Variants in ADCY8 observed in about 807,000 individuals in gnomAD.
ADCY8 encodes adenylate cyclase type 8.
ADCY8 carries 51 observed loss-of-function variants against 119.7 expected under a neutral mutation model. That is an observed-to-expected ratio of 0.43 (90% confidence interval 0.34 to 0.54). The LOEUF (loss-of-function observed/expected upper bound fraction) is 0.54, where lower values mean the gene tolerates loss of function less well. Ranked by LOEUF, ADCY8 falls within the 20% of genes least tolerant of loss-of-function variation. ADCY8 has a pLI of 0.03. For missense variants in ADCY8, 1,383 were observed against 1,598.8 expected (o/e 0.87, Z 2.30); for synonymous variants, 665 against 651.0 (o/e 1.02, Z -0.33).
At chr8:131,019,084 G>A (rs1193109395) in intron 1 of ADCY8, among the ~76,000 whole-genome samples, 1 of 152,152 alleles carries the variant, frequency 6.6e-6, no homozygotes, top group Non-Finnish European at 1.5e-5. Context: ...GGAGGGAGGA[G>A]AAAGAGGAAT....
At chr8:130,953,802 A>G (rs561768770) in intron 2 of ADCY8, among the ~76,000 whole-genome samples, 1 of 152,256 alleles carries the variant, frequency 6.6e-6, no homozygotes, top group African/African-American at 2.4e-5. Flanking sequence ...CTCTCATGCA[A>G]AAGGCTTTAT....
At chr8:130,868,548 G>A (rs1337490853) in intron 8 of ADCY8, among the ~76,000 whole-genome samples, 1 of 152,146 alleles carries the variant, frequency 6.6e-6, no homozygotes, top group East Asian at 1.9e-4. Context: ...ATTATCCAGA[G>A]TACTCAGTAA....
chr8:130,948,543 G>A (rs1821173784), intron 3 of ADCY8, among the ~76,000 whole-genome samples: 1 of 151,608 alleles, frequency 6.6e-6, no homozygotes, highest in Admixed American at 6.6e-5. Context: ...CAAGCATGGC[G>A]CCTTTAAGCA....
chr8:130,938,345 A>G (rs971879328), intron 4 of ADCY8, among the ~76,000 whole-genome samples: 1 of 152,152 alleles, frequency 6.6e-6, no homozygotes. Context: ...TTCTATGAGG[A>G]AGAGTTGGAC....
chr8:130,958,104 T>A (rs560278100), intron 2 of ADCY8, among the ~76,000 whole-genome samples: 10 of 152,282 alleles, frequency 6.6e-5, no homozygotes, highest in African/African-American at 2.4e-4. Context: ...TTCTCCTGGA[T>A]GTCTTTGGGT....
At chr8:130,831,411 A>G (rs760339828) in intron 12 of ADCY8, among the ~76,000 whole-genome samples, 1 of 152,216 alleles carries the variant, frequency 6.6e-6, no homozygotes. Flanking sequence ...GGTAAATGCA[A>G]TAATAAACAC....
chr8:131,033,752 C>T (rs112228275), intron 1 of ADCY8, among the ~76,000 whole-genome samples: 2,093 of 151,400 alleles, frequency 0.014, 33 homozygotes, highest in African/African-American at 0.029. Flanking sequence ...CATTCTCCAC[C>T]AACACACATA....
At chr8:130,891,269 G>A (rs1819177163) in intron 7 of ADCY8, among the ~76,000 whole-genome samples, 1 of 152,002 alleles carries the variant, frequency 6.6e-6, no homozygotes, top group East Asian at 1.9e-4. Flanking sequence ...AACTTCCTAT[G>A]TCCTACAAGA....
chr8:130,973,228 T>C (rs1821976146), intron 2 of ADCY8, among the ~76,000 whole-genome samples: 1 of 152,212 alleles, frequency 6.6e-6, no homozygotes, highest in Admixed American at 6.5e-5. Context: ...CTAAATGTGG[T>C]AGATTGCTTG....
chr8:131,040,239 C>G lies in ADCY8; in HGVS notation c.95G>C (p.Arg32Pro), dbSNP rs1824339444. The G allele has an allele frequency of 1.9e-6, 3 of 1,545,894 alleles. No individual in the cohort carries two copies. Among genetic ancestry groups the G allele is most frequent in the Non-Finnish European group, 2.6e-6 (3 of 1,152,498 alleles). ...CGTCTGCCACAGCAGCCGCTGCGGC[C>G]GGGAGGCGCTCCTGCCGTCGCCGGC... is the stretch of plus-strand genomic sequence containing the variant. ...PPAGDGRSASRPQRLLWQTAV... is the reference protein window; with the variant it reads ...PPAGDGRSASPPQRLLWQTAV... Residue 32 changes from arginine (R) to proline (P), a missense_variant, in exon 1 of 18, where the codon CGG (arginine) becomes CCG (proline). Around this residue, in one of 2 missense-constraint regions of ADCY8, gnomAD observed 455 missense variants for 435.3 expected, o/e 1.05. Transcript: ENST00000286355.
At chr8:131,009,530 A>G (rs1218438487) in intron 1 of ADCY8, among the ~76,000 whole-genome samples, 1 of 152,210 alleles carries the variant, frequency 6.6e-6, no homozygotes, top group African/African-American at 2.4e-5. Context: ...GTCTTCCACC[A>G]TGATTGTAAA....
At chr8:131,031,752 T>C (rs1384412466) in intron 1 of ADCY8, among the ~76,000 whole-genome samples, 1 of 152,180 alleles carries the variant, frequency 6.6e-6, no homozygotes, top group Non-Finnish European at 1.5e-5. Context: ...ATTCCTGGTC[T>C]CCAAAACCAG....
At chr8:130,940,890 T>C (rs1820935297) in intron 4 of ADCY8, among the ~76,000 whole-genome samples, 1 of 152,188 alleles carries the variant, frequency 6.6e-6, no homozygotes. Context: ...AATTAGGAGA[T>C]GAATGCACCA....
chr8:130,871,540 T>C (rs976266), intron 8 of ADCY8, among the ~76,000 whole-genome samples: 100,879 of 152,044 alleles, frequency 0.66, 33,787 homozygotes, highest in East Asian at 0.92. Flanking sequence ...TCCACGATAA[T>C]CCTATATAAA....
chr8:130,925,297 A>G (rs1820430264), intron 5 of ADCY8, among the ~76,000 whole-genome samples: 1 of 152,208 alleles, frequency 6.6e-6, no homozygotes, highest in East Asian at 1.9e-4. Flanking sequence ...CCATGGTAAA[A>G]CAATAGGTTT....
chr8:131,015,286 T>C (rs1007196302), intron 1 of ADCY8, among the ~76,000 whole-genome samples: 1 of 152,026 alleles, frequency 6.6e-6, no homozygotes, highest in African/African-American at 2.4e-5. Flanking sequence ...TGGAGAAAAA[T>C]AAAGCTGATT....
rs886882576 is a variant in ADCY8, at chr8:130,978,747, C to T, written c.1110+11646G>A. 3.9e-5 allele frequency among the ~76,000 whole-genome samples: 6 copies of T among 152,208 alleles called. 1 individual carries two copies. Among genetic ancestry groups the T allele is most frequent in the South Asian group, 4.2e-4 (2 of 4,804 alleles). ...AAAAATCTCCTCTTGTTTTTAATTC[C>T]GGCACCTAACTCAGGACTTGGTCCA... On this transcript the variant is annotated intron_variant, in intron 2 of 17. Transcript: ENST00000286355.
intron 5 of ADCY8, among the ~76,000 whole-genome samples, chr8:130,915,545 T>C (rs1044115255): frequency 1.3e-5 from 2 of 152,150 alleles, no homozygotes; most frequent in Non-Finnish European, 2.9e-5. Context: ...GGCTAGTTGC[T>C]TTAGTCTCAG....
chr8:130,819,825 G>C (rs1378526104), intron 13 of ADCY8, among the ~76,000 whole-genome samples: 1 of 152,208 alleles, frequency 6.6e-6, no homozygotes, highest in South Asian at 2.1e-4. Flanking sequence ...ATTTGGCCTA[G>C]TGTTTCATCA....
Sources: allele counts gnomAD v4.1 joint callset (sites outside exome capture counted in the v4.1 genomes callset), GRCh38; gene constraint gnomAD v4.1.1; regional missense constraint gnomAD v4.1.1; transcripts MANE v1.5; gene names NCBI Gene and HGNC (gene_info 2026-07-23, HGNC 2026-07-21).